The following SON variants were observed in gnomAD, a reference collection of about 807,000 sequenced individuals.
The protein encoded by SON is protein SON.
SON carries 4 observed loss-of-function variants against 173.3 expected under a neutral mutation model. That is an observed-to-expected ratio of 0.02 (90% CI 0.01 to 0.05). SON has a LOEUF of 0.05. Ranked by LOEUF, SON falls within the 10% of genes least tolerant of loss-of-function variation. The pLI is 1.00. For missense variants in SON, 2,626 were observed against 3,055.3 expected, an observed-to-expected ratio of 0.86 and a Z score of 3.31; for synonymous variants, 1,190 against 1,105.9, an observed-to-expected ratio of 1.08 and a Z score of -1.51.
At chr21:33,568,944 T>G (rs1434846995) in intron 7 of SON, 27 bp from the exon 8 acceptor site, 1 of 1,391,580 alleles carries the variant, frequency 7.2e-7, no homozygotes, top group Non-Finnish European at 1.0e-6. Context: ...TTTTACTTAG[T>G]TAACTGAGAC....
rs1324016033 is a variant in SON at position 33,559,359 on chromosome 21, A to G, written c.6451A>G (p.Ile2151Val). Residue 2151 changes from isoleucine (I) to valine (V), a missense_variant, in exon 5 of 12, where the codon ATT (isoleucine) becomes GTT (valine). Physicochemically the swap from Ile to Val is conservative, Grantham distance 29 (BLOSUM62 3). Around this residue, in one of 13 missense-constraint regions of SON, gnomAD observed 75 missense variants for 201.6 expected, o/e 0.37. Coordinates refer to ENST00000356577, the MANE Select transcript of SON (RefSeq NM_138927.4). The surrounding 1 kb of genome is among the most constrained non-coding windows in gnomAD (Gnocchi z 4.1). ...HPFKLSEPKP[I>V]FFNLNIAAAK... ...CTTTAAACTCAGTGAACCCAAACCT[A>G]TTTTTTTCAATCTGAATGTGAGTAT... The G allele has an allele frequency of 6.2e-7, 1 of 1,608,612 alleles. No homozygotes were observed. Among genetic ancestry groups the G allele is most frequent in the Non-Finnish European group, 8.5e-7 (1 of 1,178,460 alleles).
At chr21:33,569,889 C>T (rs981630724) in intron 8 of SON, 1 of 180,666 alleles carries the variant, frequency 5.5e-6, no homozygotes, top group Non-Finnish European at 1.2e-5. Flanking sequence ...TATGTAAGAC[C>T]TAAAATCAAG....
intron 8 of SON, chr21:33,572,588 T>C: frequency 6.1e-6 from 8 of 1,304,240 alleles, no homozygotes; most frequent in Non-Finnish European, 8.1e-6. Context: ...CCCCGGTCAG[T>C]GCCAGCCGTA....
chr21:33,559,915 G>C lies in SON; in HGVS notation c.6657+140G>C. The stretch of plus-strand genomic sequence containing the variant: ...GGCAGGGCCGGGTTAGACGACAGAT[G>C]AAACAACCCGCAGCTTCTCATTTGA... On this transcript the variant is annotated intron_variant, in intron 6 of 11. Coordinates refer to ENST00000356577, the MANE Select transcript of SON (RefSeq NM_138927.4). The surrounding 1 kb of genome is among the most constrained non-coding windows in gnomAD (Gnocchi z 4.1). 6.2e-7 allele frequency: 1 copy of C among 1,611,834 alleles called. No individual in the cohort carries two copies.
chr21:33,572,320 T>C, intron 8 of SON: 1 of 214,240 alleles, frequency 4.7e-6, no homozygotes, highest in South Asian at 5.9e-5. Context: ...TACAACTTAA[T>C]ACTGTTTGCT....
At chr21:33,564,058 T>C (rs1264015027) in intron 6 of SON, among the ~76,000 whole-genome samples, 1 of 152,222 alleles carries the variant, frequency 6.6e-6, no homozygotes. Flanking sequence ...TCTTATAGTG[T>C]ATTGGTAGAA....
chr21:33,543,674 GATT>G (rs2085529497), intron 1 of SON, among the ~76,000 whole-genome samples: 2 of 152,240 alleles, frequency 1.3e-5, no homozygotes, highest in Non-Finnish European at 2.9e-5. Flanking sequence ...CTATTAATAA[GATT>G]ATTCGGGGCC....
Position 33,552,173 on chromosome 21 carries a change from C to T in SON, c.2942C>T (p.Pro981Leu). 6.2e-7 allele frequency: 1 copy of T among 1,614,086 alleles called. No homozygotes were observed. Among genetic ancestry groups the T allele is most frequent in the Non-Finnish European group, 8.5e-7 (1 of 1,179,996 alleles). Residue 981 changes from proline (P) to leucine (L), a missense_variant, in exon 3 of 12, where the codon CCC becomes CTC. Pro to Leu is a moderately conservative substitution (Grantham distance 98). Transcript: ENST00000356577. This position sits in a 1 kb window ranked among gnomAD's most constrained non-coding sequence, Gnocchi z 5.6. ...GCACCCAGGTCCTATAGAATAGCAC[C>T]CAGGCCATATAGGTTAGCACCTAGA... ...RIAPRSYRIAPRPYRLAPRPL... is the reference protein window; with the variant it reads ...RIAPRSYRIALRPYRLAPRPL...
chr21:33,557,455 G>C (rs1440001688), intron 4 of SON, 139 bp downstream of exon 4: 1 of 1,544,030 alleles, frequency 6.5e-7, no homozygotes, highest in Non-Finnish European at 8.8e-7. Flanking sequence ...TACAGATGTG[G>C]CAGCGGCAGA....
At chr21:33,561,271 A>C (rs1249794132) in intron 6 of SON, among the ~76,000 whole-genome samples, 1 of 152,204 alleles carries the variant, frequency 6.6e-6, no homozygotes, top group African/African-American at 2.4e-5. Flanking sequence ...TCCCCCAATC[A>C]GGCTACCTGC....
At chr21:33,560,503 C>T in intron 6 of SON, 1 of 1,002,592 alleles carries the variant, frequency 1.0e-6, no homozygotes, top group Non-Finnish European at 1.2e-6. Flanking sequence ...AAAACAACCC[C>T]ATTAAAATGC....
intron 3 of SON, among the ~76,000 whole-genome samples, chr21:33,556,091 T>G (rs1015768406): frequency 3.3e-5 from 5 of 152,220 alleles, no homozygotes; most frequent in South Asian, 2.1e-4. Context: ...TAATTTATCC[T>G]TATCCCAGTA....
intron 7 of SON, among the ~76,000 whole-genome samples, chr21:33,568,629 A>G (rs2086221237): frequency 6.6e-6 from 1 of 152,230 alleles, no homozygotes; most frequent in Admixed American, 6.5e-5. Context: ...CATGACATGT[A>G]TTACAATACA....
At position 33,553,557 on chromosome 21, in the gene SON, A is replaced by G. The variant is rs2085871384; in HGVS notation, c.4326A>G (p.Glu1442=). ...IVSEPSVSVQ[E]STVTVSEPAV... The stretch of plus-strand genomic sequence containing the variant: ...CAGAACCATCTGTTTCTGTCCAGGA[A>G]TCGACTGTGACAGTTTCAGAGCCTG... The change falls in exon 3 of 12, where the codon GAA becomes GAG. Residue 1442 remains glutamate, a synonymous_variant. Transcript: ENST00000356577. The G allele has an allele frequency of 6.2e-7, 1 of 1,614,108 alleles. No homozygotes were observed. Among genetic ancestry groups the G allele is most frequent in the Non-Finnish European group, 8.5e-7 (1 of 1,179,976 alleles).
At chr21:33,561,635 T>A (rs536193416) in intron 6 of SON, among the ~76,000 whole-genome samples, 17 of 150,616 alleles carry the variant, frequency 1.1e-4, no homozygotes, top group East Asian at 7.7e-4. Flanking sequence ...AGAGAGAGAG[T>A]GTGTGTGTGC....
chr21:33,554,934 T>G lies in SON; in HGVS notation c.5703T>G (p.Ser1901=), dbSNP rs2085926996. ...GATCTCCAAAGCACAGATCCAAGTC[T>G]AGGGAAAGAAAAAGAAAAAGATCAA... The part of the protein sequence containing the change: ...RKRSPKHRSK[S]RERKRKRSSS... The change falls in exon 3 of 12, where the codon TCT becomes TCG. Residue 1901 remains serine, a synonymous_variant. Transcript: ENST00000356577. The G allele has an allele frequency of 1.2e-6, 2 of 1,613,824 alleles. No homozygotes were observed.
chr21:33,566,979 C>T (rs1010060479), intron 6 of SON, among the ~76,000 whole-genome samples, 178 bp from the exon 7 acceptor site: 10 of 152,160 alleles, frequency 6.6e-5, no homozygotes, highest in African/African-American at 2.2e-4. Context: ...TTATCTTAAT[C>T]CTCTTCTGTT....
Position 33,574,703 on chromosome 21 carries a change from G to A in SON, c.7034-893G>A, listed in dbSNP as rs77416469. Among the ~76,000 whole-genome samples, 655 of 152,270 alleles carry A rather than the reference G, an allele frequency of 4.3e-3. 2 individuals are homozygous for A. The highest frequency in any genetic ancestry group is 0.014 in the Middle Eastern group (4 of 294). On this transcript the variant is annotated intron_variant, in intron 9 of 11. Transcript: ENST00000356577. ...AATATTTGAAAACCTGGAATCAACCGACACACTTCTGGTCCCAAGCATTTT... is the reference window on the plus strand; with the variant it reads ...AATATTTGAAAACCTGGAATCAACCAACACACTTCTGGTCCCAAGCATTTT...
Position 33,554,738 on chromosome 21 carries a change from C to T in SON, c.5507C>T (p.Ser1836Leu), listed in dbSNP as rs2085919658. The change falls in exon 3 of 12, where the codon TCA becomes TTA. Residue 1836 changes from serine (S) to leucine (L), a missense_variant. This residue lies in a region of SON where 1,006 missense variants were observed against 895.6 expected (regional missense o/e 1.12). Transcript: ENST00000356577. ...SKRSKSSEHK[S>L]RKRTSESRSR... ...CGTTCCAAATCTTCTGAACACAAAT[C>T]ACGCAAGCGTACCAGTGAATCTCGT... 12 of 1,613,862 alleles carry T rather than the reference C, an allele frequency of 7.4e-6. No individual in the cohort carries two copies. The highest frequency in any genetic ancestry group is 9.3e-6 in the Non-Finnish European group (11 of 1,180,044).
Sources: gnomAD v4.1 joint callset for allele counts (sites outside exome capture counted in the v4.1 genomes callset) on GRCh38, gnomAD v4.1.1 for gene constraint, gnomAD v4.1.1 regional missense constraint, Gnocchi (gnomAD v3.1) non-coding constraint, MANE v1.5 for transcripts, NCBI Gene and HGNC (gene_info 2026-07-23, HGNC 2026-07-21) for gene names.